The following INTS2 variants were observed in gnomAD, a reference collection of about 807,000 sequenced individuals.
The protein encoded by INTS2 is integrator complex subunit 2, also known as KIAA1287.
Under a neutral mutation model 139.6 loss-of-function variants are expected in INTS2, and 57 were observed. That is an observed-to-expected ratio of 0.41 (90% CI 0.33 to 0.51). The LOEUF is 0.51. Ranked by LOEUF, INTS2 falls within the 20% of genes least tolerant of loss-of-function variation. The pLI is 0.28. For synonymous variants in INTS2, 473 were observed against 493.4 expected, an observed-to-expected ratio of 0.96 and a Z score of 0.55; for missense variants, 1,196 against 1,436.7, an observed-to-expected ratio of 0.83 and a Z score of 2.71.
intron 1 of INTS2, 30 bp downstream of exon 1, chr17:61,927,624 G>A (rs777062556): frequency 4.6e-5 from 61 of 1,313,206 alleles, no homozygotes; most frequent in South Asian, 8.4e-5. Context: ...CTAGGAACGC[G>A]CTGAGGCCAG....
intron 8 of INTS2, among the ~76,000 whole-genome samples, chr17:61,906,253 A>G (rs967783345): frequency 6.6e-6 from 1 of 152,226 alleles, no homozygotes; most frequent in Non-Finnish European, 1.5e-5. Context: ...AATTTCTGTT[A>G]GGGATGCTAA....
intron 3 of INTS2, among the ~76,000 whole-genome samples, chr17:61,922,511 C>CATATATAT (rs60100593): frequency 0.048 from 3,457 of 72,208 alleles, 230 homozygotes; most frequent in Non-Finnish European, 0.06. Context: ...AACAAACAAA[C>CATATATAT]ATATATATAT....
At chr17:61,877,639 A>G (rs1277100838) in intron 18 of INTS2, among the ~76,000 whole-genome samples, 1 of 152,244 alleles carries the variant, frequency 6.6e-6, no homozygotes, top group Non-Finnish European at 1.5e-5. Context: ...AAATAACTAT[A>G]CATGATAACC....
At chr17:61,907,343 C>G (rs2079475931) in intron 8 of INTS2, 65 bp downstream of exon 8, 2 of 1,396,684 alleles carry the variant, frequency 1.4e-6, no homozygotes, top group South Asian at 1.3e-5. Context: ...CTTTGGCTCA[C>G]TTTCTTGAGA....
At chr17:61,910,529 T>A (rs1332503084) in intron 7 of INTS2, 1 of 151,494 alleles carries the variant, frequency 6.6e-6, no homozygotes, top group African/African-American at 2.4e-5. Flanking sequence ...GAGGTAGAGC[T>A]TGCAGTGAGC....
rs1235734482 is a variant in INTS2 at position 61,871,497 on chromosome 17, C to A, written c.2778+768G>T. Among the ~76,000 whole-genome samples, 1 of 152,154 alleles carries A rather than the reference C, an allele frequency of 6.6e-6. No individual in the cohort carries two copies. Among genetic ancestry groups the A allele is most frequent in the Non-Finnish European group, 1.5e-5 (1 of 68,010 alleles). On this transcript the variant is annotated intron_variant, in intron 20 of 24. Transcript: ENST00000251334. This position sits in a 1 kb window ranked among gnomAD's most constrained non-coding sequence, Gnocchi z 4.9. ...TATCACTGCCTGACATTTTATTATA[C>A]ATGCAGTTGTTTTTCTGTTGTCTGT...
chr17:61,868,612 T>C lies in INTS2; in HGVS notation c.3244+422A>G, dbSNP rs559799105. Among the ~76,000 whole-genome samples, 3 of 152,310 alleles carry C rather than the reference T, an allele frequency of 2.0e-5. No homozygotes were observed. The East Asian group carries it at 5.8e-4, about 29-fold the overall frequency. On this transcript the variant is annotated intron_variant, in intron 23 of 24. Coordinates refer to ENST00000251334, the MANE Select transcript of INTS2 (RefSeq NM_001351695.2). The surrounding 1 kb of genome is among the most constrained non-coding windows in gnomAD (Gnocchi z 4.7). ...ATATCAGAATATGTTTTAGAACTTA[T>C]GAAGACATCTAATACATTTATCTTT...
chr17:61,910,737 T>C (rs1010038893), intron 7 of INTS2: 2 of 152,086 alleles, frequency 1.3e-5, no homozygotes, highest in African/African-American at 2.4e-5. Context: ...AATAAAAACA[T>C]ATATACACAT....
chr17:61,927,021 C>A, intron 1 of INTS2: 1 of 284,896 alleles, frequency 3.5e-6, no homozygotes, highest in Non-Finnish European at 6.8e-6. Flanking sequence ...AATCCCAGTC[C>A]AAGACTTTCT....
intron 2 of INTS2, among the ~76,000 whole-genome samples, chr17:61,926,093 T>C (rs1452782477): frequency 6.6e-6 from 1 of 152,078 alleles, no homozygotes; most frequent in African/African-American, 2.4e-5. Context: ...GAAGTTACCC[T>C]ACCTACTTCC....
At chr17:61,918,923 G>GTTT (rs561665201) in intron 5 of INTS2, among the ~76,000 whole-genome samples, 14 of 131,022 alleles carry the variant, frequency 1.1e-4, no homozygotes, top group South Asian at 2.4e-4. Context: ...GTTCCTTGGG[G>GTTT]TTTTTTTTTT....
chr17:61,888,642 G>C (rs1361530135), intron 15 of INTS2, among the ~76,000 whole-genome samples: 3 of 151,782 alleles, frequency 2.0e-5, no homozygotes, highest in Non-Finnish European at 2.9e-5. Flanking sequence ...CTGAGCACAA[G>C]TGACCATCCC....
In INTS2 at chr17:61,925,023, G is replaced by A; in HGVS notation, c.370C>T (p.His124Tyr). The A allele has an allele frequency of 6.2e-6, 10 of 1,613,672 alleles. No homozygotes were observed. The highest frequency in any genetic ancestry group is 8.5e-6 in the Non-Finnish European group (10 of 1,179,756). ...LQHGLTLEFE[H>Y]SDSPRRLRLV... ...CGCAATCGACGAGGTGAATCACTGT[G>A]TTCAAACTCTAACGTCAGTCCATGC... is the stretch of plus-strand genomic sequence containing the variant. The change falls in exon 3 of 25, where the codon CAC becomes TAC. Residue 124 changes from histidine to tyrosine, a missense_variant. By Grantham distance (83) the His-to-Tyr change is moderately conservative. This residue lies in a region of INTS2 where 1,129 missense variants were observed against 1,341.9 expected (regional missense o/e 0.84). Transcript: ENST00000251334.
chr17:61,912,844 G>A (rs899818556), intron 5 of INTS2, among the ~76,000 whole-genome samples: 42 of 151,988 alleles, frequency 2.8e-4, no homozygotes, highest in African/African-American at 8.9e-4. Flanking sequence ...TTGGGAGGCC[G>A]AGGTGAGTGG....
intron 1 of INTS2, 172 bp downstream of exon 1, chr17:61,927,482 C>T (rs1367845326): frequency 4.7e-6 from 1 of 214,612 alleles, no homozygotes. Flanking sequence ...AGGGGCTGCT[C>T]TTTTAACAGA....
In INTS2 at chr17:61,921,940, A is replaced by G. The variant is rs138015264; in HGVS notation, c.433-113T>C. On this transcript the variant is annotated intron_variant, in intron 3 of 24. Coordinates refer to ENST00000251334, the MANE Select transcript of INTS2 (RefSeq NM_001351695.2). The stretch of plus-strand genomic sequence containing the variant: ...TTATGTCTCTTAATGTATCACTAAT[A>G]TACCACAGCAGAATATGCAGTATTC... The G allele has an allele frequency of 1.5e-3, 881 of 582,024 alleles. 8 individuals are homozygous for G. The highest frequency in any genetic ancestry group is 0.015 in the African/African-American group (802 of 53,930). The allele number at this position is 582,024 out of a possible 1,614,324, so 36.1% of individuals were successfully genotyped here.
intron 15 of INTS2, among the ~76,000 whole-genome samples, chr17:61,887,007 G>C (rs1439869246): frequency 6.6e-6 from 1 of 152,154 alleles, no homozygotes; most frequent in East Asian, 1.9e-4. Flanking sequence ...TCAGAAGGCA[G>C]TTAAAACAAT....
intron 4 of INTS2, among the ~76,000 whole-genome samples, chr17:61,920,486 CTTTTTTTTT>C (rs1187583288): frequency 9.4e-6 from 1 of 106,504 alleles, no homozygotes; most frequent in South Asian, 3.6e-4. Context: ...CTGGCCTATA[CTTTTTTTTT>C]TTTTTTTTTT....
intron 9 of INTS2, among the ~76,000 whole-genome samples, chr17:61,898,199 CT>C (rs1433746448): frequency 6.6e-6 from 1 of 152,100 alleles, no homozygotes; most frequent in Non-Finnish European, 1.5e-5. Context: ...TTATAGAAAC[CT>C]TATGAGTAGA....
Sources: gnomAD v4.1 joint callset for allele counts (sites outside exome capture counted in the v4.1 genomes callset) on GRCh38, gnomAD v4.1.1 for gene constraint, gnomAD v4.1.1 regional missense constraint, Gnocchi (gnomAD v3.1) non-coding constraint, MANE v1.5 for transcripts, NCBI Gene and HGNC (gene_info 2026-07-23, HGNC 2026-07-21) for gene names.